The following USF3 variants were observed in gnomAD, a reference collection of about 807,000 sequenced individuals.
The protein encoded by USF3 is basic helix-loop-helix domain-containing protein USF3.
A neutral mutation model predicts 157.5 loss-of-function variants in USF3; 29 were observed. The observed-to-expected ratio is 0.18, with a 90% CI of 0.14 to 0.25. The LOEUF is 0.25. Among genes scored for constraint, USF3 ranks in the 10% least tolerant of loss-of-function variants. The pLI, the probability that USF3 is intolerant of heterozygous loss-of-function variation, is 1.00. For synonymous variants in USF3, 893 were observed against 941.4 expected, an observed-to-expected ratio of 0.95 and a Z score of 0.94; for missense variants, 2,381 against 2,667.6, an observed-to-expected ratio of 0.89 and a Z score of 2.37.
At chr3:113,688,557 T>C (rs1707610530) in intron 1 of USF3, among the ~76,000 whole-genome samples, 1 of 152,238 alleles carries the variant, frequency 6.6e-6, no homozygotes. Context: ...ATATAGGATG[T>C]AGTGTTCTTG....
At position 113,656,293 on chromosome 3, in the gene USF3, C is replaced by A; in HGVS notation, c.5389G>T (p.Val1797Phe). 1 of 1,614,152 alleles carries A rather than the reference C, an allele frequency of 6.2e-7. No homozygotes were observed. Among genetic ancestry groups the A allele is most frequent in the Non-Finnish European group, 8.5e-7 (1 of 1,180,016 alleles). The change falls in exon 7 of 7, where the codon GTT (valine) becomes TTT (phenylalanine). Residue 1797 changes from valine (V) to phenylalanine (F), a missense_variant. By Grantham distance (50) the Val-to-Phe change is conservative. Around this residue, in one of 6 missense-constraint regions of USF3, gnomAD observed 770 missense variants for 824.2 expected, o/e 0.93. Transcript: ENST00000316407. ...CCATTTCCTGTTGGGATGCTCTGAA[C>A]TGGTGGGTAAGATAATCTCTTTTGA... ...DRQKRLSYPP[V>F]QSIPTGNGIP...
In USF3 at chr3:113,660,098, T is replaced by C. The variant is rs1268529730; in HGVS notation, c.1584A>G (p.Ser528=). 3 of 1,614,194 alleles carry C rather than the reference T, an allele frequency of 1.9e-6. No homozygotes were observed. The highest frequency in any genetic ancestry group is 2.5e-6 in the Non-Finnish European group (3 of 1,180,034). Residue 528 remains serine (S), a synonymous_variant, in exon 7 of 7, where the codon TCA becomes TCG. Transcript: ENST00000316407. The part of the protein sequence containing the change: ...QPPKNILPLN[S]AMQVIQMAQP... ...GAGCCATCTGAATCACTTGCATTGC[T>C]GAATTCAGTGGAAGGATATTTTTGG...
At chr3:113,668,125 C>T (rs1031707213) in intron 5 of USF3, among the ~76,000 whole-genome samples, 3 of 151,928 alleles carry the variant, frequency 2.0e-5, no homozygotes, top group Non-Finnish European at 4.4e-5. Context: ...ATAAGAACCA[C>T]CCCCTACCCT....
intron 6 of USF3, among the ~76,000 whole-genome samples, chr3:113,662,365 CTA>C (rs1947500077): frequency 6.6e-6 from 1 of 152,212 alleles, no homozygotes; most frequent in South Asian, 2.1e-4. Context: ...ATAGCTTCAC[CTA>C]TGAGTACCAC....
rs1326101731 is a variant in USF3 at position 113,655,971 on chromosome 3, C to T, written c.5711G>A (p.Gly1904Glu). The T allele has an allele frequency of 1.2e-6, 2 of 1,614,130 alleles. No individual in the cohort carries two copies. Among genetic ancestry groups the T allele is most frequent in the East Asian group, 2.2e-5 (1 of 44,890 alleles). The change falls in exon 7 of 7, where the codon GGA becomes GAA. Residue 1904 changes from glycine (G) to glutamate (E), a missense_variant. Around this residue, in one of 6 missense-constraint regions of USF3, gnomAD observed 770 missense variants for 824.2 expected, o/e 0.93. Transcript: ENST00000316407. Reference sequence around the variant, plus strand: ...GCTTGTGTTTCGACCTTGAATATCTCCTGAGGAAGAGGAACTTGAAAAAGG... The same window carrying T: ...GCTTGTGTTTCGACCTTGAATATCTTCTGAGGAAGAGGAACTTGAAAAAGG... ...NIPFSSSSSS[G>E]DIQGRNTSPN...
In USF3 at chr3:113,660,471, A is replaced by G; in HGVS notation, c.1211T>C (p.Leu404Ser). Residue 404 changes from leucine to serine, a missense_variant, in exon 7 of 7, where the codon TTG becomes TCG. Around this residue, in one of 6 missense-constraint regions of USF3, gnomAD observed 1,435 missense variants for 1,550.9 expected, o/e 0.93. Transcript: ENST00000316407. ...TGAAGTACTAACACTTGAAGAAGGC[A>G]AAGAACAAGAAAGAGTCCAACCATT... ...LDNGWTLSCS[L>S]PSSSVSTSDL... The G allele has an allele frequency of 6.2e-7, 1 of 1,614,170 alleles. No homozygotes were observed. Among genetic ancestry groups the G allele is most frequent in the South Asian group, 1.1e-5 (1 of 91,090 alleles).
intron 5 of USF3, among the ~76,000 whole-genome samples, chr3:113,669,657 G>C (rs558009264): frequency 1.4e-5 from 2 of 138,170 alleles, no homozygotes; most frequent in East Asian, 4.2e-4. Flanking sequence ...CTCATTATTA[G>C]AAGGAACAAA....
intron 1 of USF3, among the ~76,000 whole-genome samples, chr3:113,685,461 T>TG (rs1222508279): frequency 3.3e-5 from 5 of 151,922 alleles, no homozygotes; most frequent in South Asian, 2.1e-4. Context: ...TCTGGCCCAG[T>TG]GGGGGGTCTA....
At chr3:113,686,147 G>A (rs1185171247) in intron 1 of USF3, among the ~76,000 whole-genome samples, 1 of 152,208 alleles carries the variant, frequency 6.6e-6, no homozygotes, top group East Asian at 1.9e-4. Flanking sequence ...GGTGGGGCTA[G>A]CTGGAACTCA....
Position 113,657,007 on chromosome 3 carries a change from G to T in USF3, c.4675C>A (p.His1559Asn), listed in dbSNP as rs756960091. The change falls in exon 7 of 7, where the codon CAT (histidine) becomes AAT (asparagine). Residue 1559 changes from histidine to asparagine, a missense_variant. His to Asn is a moderately conservative substitution (Grantham distance 68). Coordinates refer to ENST00000316407, the MANE Select transcript of USF3 (RefSeq NM_001009899.4). ...RSKTGQPHPH[H>N]QQMQQQMQQH... ...TGCATTTGTTGCTGCATCTGCTGAT[G>T]GTGGGGATGTGGCTGGCCAGTCTTG... 162 of 1,614,092 alleles carry T rather than the reference G, an allele frequency of 1.0e-4. 3 individuals are homozygous for T. The South Asian group carries it at 1.7e-3, about 17-fold the overall frequency.
rs750014894 is a variant in USF3 at position 113,656,077 on chromosome 3, T to G, written c.5605A>C (p.Arg1869=). 3 of 1,614,194 alleles carry G rather than the reference T, an allele frequency of 1.9e-6. No individual in the cohort carries two copies. The highest frequency in any genetic ancestry group is 2.2e-5 in the South Asian group (2 of 91,090). Residue 1869 remains arginine, a synonymous_variant, in exon 7 of 7, where the codon AGA becomes CGA. Coordinates refer to ENST00000316407, the MANE Select transcript of USF3 (RefSeq NM_001009899.4). ...TCCCTATTCTGACTCTCACTCTCTC[T>G]TCTAATATGGACATTTTCATGAGTT... ...PPTHENVHIR[R]ESESQNRESC... is the part of the protein sequence containing the mutation.
At chr3:113,678,608 A>G (rs1707336323) in intron 1 of USF3, among the ~76,000 whole-genome samples, 1 of 152,230 alleles carries the variant, frequency 6.6e-6, no homozygotes, top group African/African-American at 2.4e-5. Flanking sequence ...CATCTATTGG[A>G]AAGGAACTAT....
chr3:113,655,045 T>C lies in USF3; in HGVS notation c.6637A>G (p.Ile2213Val), dbSNP rs1213342070. ...GAGTCAGAGGCAGAGGAATTTGCTA[T>C]TGTAAGCAAAGGTGACATTGCTGAG... ...DGSAMSPLLT[I>V]ANSSASDSSK... Residue 2213 changes from isoleucine to valine, a missense_variant, in exon 7 of 7, where the codon ATA becomes GTA. Ile to Val is a conservative substitution (Grantham distance 29). Coordinates refer to ENST00000316407, the MANE Select transcript of USF3 (RefSeq NM_001009899.4). 1 of 1,614,220 alleles carries C rather than the reference T, an allele frequency of 6.2e-7. No individual in the cohort carries two copies. Among genetic ancestry groups the C allele is most frequent in the South Asian group, 1.1e-5 (1 of 91,084 alleles).
intron 1 of USF3, among the ~76,000 whole-genome samples, chr3:113,678,933 G>A (rs918871363): frequency 2.0e-5 from 3 of 151,702 alleles, no homozygotes; most frequent in African/African-American, 7.3e-5. Context: ...TTTTTGTAGA[G>A]ATGGGATCTC....
intron 1 of USF3, among the ~76,000 whole-genome samples, chr3:113,682,350 CA>C (rs371137226): frequency 0.03 from 4,169 of 137,378 alleles, 113 homozygotes; most frequent in East Asian, 0.12. Flanking sequence ...AACAAACAAA[CA>C]AAAAAAAAAA....
intron 6 of USF3, 97 bp from the exon 7 acceptor site, chr3:113,661,522 T>G (rs1489716606): frequency 1.5e-6 from 1 of 657,846 alleles, no homozygotes; most frequent in East Asian, 2.9e-5. Context: ...GAATTCTAAT[T>G]CTAGCATTCT....
chr3:113,658,309 T>A lies in USF3; in HGVS notation c.3373A>T (p.Thr1125Ser). ...ACTATATCAGTTTGCTCTACAAAGGTACAGCTGTCACATGTATTAGTTGTT... is the reference window on the plus strand; with the variant it reads ...ACTATATCAGTTTGCTCTACAAAGGAACAGCTGTCACATGTATTAGTTGTT... Reference protein sequence around the residue: ...NATTNTCDSCTFVEQTDIVAL... With the variant: ...NATTNTCDSCSFVEQTDIVAL... Residue 1125 changes from threonine to serine, a missense_variant, in exon 7 of 7, where the codon ACC becomes TCC. Coordinates refer to ENST00000316407, the MANE Select transcript of USF3 (RefSeq NM_001009899.4). 3.7e-6 allele frequency: 6 copies of A among 1,614,224 alleles called. No homozygotes were observed. Among genetic ancestry groups the A allele is most frequent in the Non-Finnish European group, 5.1e-6 (6 of 1,180,040 alleles).
intron 1 of USF3, among the ~76,000 whole-genome samples, chr3:113,678,916 G>A (rs531191423): frequency 9.2e-5 from 14 of 151,666 alleles, no homozygotes; most frequent in African/African-American, 2.9e-4. Flanking sequence ...CACTATTCCC[G>A]GCTAATTTTT....
chr3:113,654,868 G>C lies in USF3; in HGVS notation c.*76C>G. 2 of 1,452,504 alleles carry C rather than the reference G, an allele frequency of 1.4e-6. No individual in the cohort carries two copies. The highest frequency in any genetic ancestry group is 1.9e-6 in the Non-Finnish European group (2 of 1,069,572). The allele number at this position is 1,452,504 out of a possible 1,614,324, so 90.0% of individuals were successfully genotyped here. ...ACACACACACAATCCTTCTCTTCAT[G>C]TACATGTCTGTGCACATGCACGCAC... On this transcript the variant is annotated 3_prime_UTR_variant, in exon 7 of 7. Coordinates refer to ENST00000316407, the MANE Select transcript of USF3 (RefSeq NM_001009899.4).
Sources: allele counts gnomAD v4.1 joint callset (sites outside exome capture counted in the v4.1 genomes callset), GRCh38; gene constraint gnomAD v4.1.1; regional missense constraint gnomAD v4.1.1; transcripts MANE v1.5; gene names NCBI Gene and HGNC (gene_info 2026-07-23, HGNC 2026-07-21).